Variants in PLEKHB1 observed in about 807,000 individuals in gnomAD.
PLEKHB1 encodes the protein pleckstrin homology domain-containing family B member 1.
In PLEKHB1, 29 loss-of-function variants were observed where a neutral mutation model predicts 36.2. The observed-to-expected ratio is 0.80, with a 90% CI of 0.60 to 1.09. The LOEUF is 1.09. Ranked by LOEUF, PLEKHB1 falls within the 50% of genes least tolerant of loss-of-function variation. PLEKHB1 has a pLI of 0.00. For missense variants in PLEKHB1, 330 were observed against 348.2 expected, an observed-to-expected ratio of 0.95 and a Z score of 0.42; for synonymous variants, 138 against 140.0, an observed-to-expected ratio of 0.99 and a Z score of 0.10.
chr11:73,659,589 G>C (rs1945062549), intron 6 of PLEKHB1, among the ~76,000 whole-genome samples: 1 of 152,132 alleles, frequency 6.6e-6, no homozygotes, highest in African/African-American at 2.4e-5. Flanking sequence ...TGCAAGAAAG[G>C]CCAGGAGAAA....
At chr11:73,651,014 T>C (rs61901456) in intron 3 of PLEKHB1, among the ~76,000 whole-genome samples, 2 of 148,918 alleles carry the variant, frequency 1.3e-5, no homozygotes, top group African/African-American at 2.5e-5. Context: ...AAAAAAAAAT[T>C]GGTGAGATGC....
chr11:73,653,158 T>C lies in PLEKHB1; in HGVS notation c.390+144T>C. On this transcript the variant is annotated intron_variant, in intron 5 of 7. Transcript: ENST00000354190. ...CAAACTCTGATGCCTGAGTCCCAAG[T>C]GTTCGGGGAAAGGATAAGGGAGAGC... is the stretch of plus-strand genomic sequence containing the variant. 3 of 864,522 alleles carry C rather than the reference T, an allele frequency of 3.5e-6. No homozygotes were observed. The South Asian group carries it at 5.1e-5, about 15-fold the overall frequency. The allele number at this position is 864,522 out of a possible 1,614,324, so 53.6% of individuals were successfully genotyped here.
At chr11:73,658,702 G>A (rs1188545602) in intron 6 of PLEKHB1, among the ~76,000 whole-genome samples, 8 of 152,026 alleles carry the variant, frequency 5.3e-5, no homozygotes, top group South Asian at 4.2e-4. Context: ...CTGCAGCCTC[G>A]ATCTCCTGGG....
chr11:73,648,445 C>G (rs755899308), intron 1 of PLEKHB1, among the ~76,000 whole-genome samples: 1 of 152,134 alleles, frequency 6.6e-6, no homozygotes, highest in Non-Finnish European at 1.5e-5. Flanking sequence ...ACAGAGTGCT[C>G]GGTCCATCAC....
chr11:73,651,837 C>A lies in PLEKHB1; in HGVS notation c.297C>A (p.Asn99Lys), dbSNP rs1301760755. Reference sequence around the variant, plus strand: ...GCCGAGATGGCCTGCTGACTGTGAACCTACGGGAAGGCGGCCGCCTGCACC... The same window carrying A: ...GCCGAGATGGCCTGCTGACTGTGAAACTACGGGAAGGCGGCCGCCTGCACC... ...GRSRDGLLTV[N>K]LREGGRLHLC... Residue 99 changes from asparagine (N) to lysine (K), a missense_variant, in exon 4 of 8, where the codon AAC becomes AAA. By Grantham distance (94) the Asn-to-Lys change is moderately conservative (BLOSUM62 0). Transcript: ENST00000354190. The A allele has an allele frequency of 6.2e-7, 1 of 1,613,572 alleles. No homozygotes were observed. The highest frequency in any genetic ancestry group is 8.5e-7 in the Non-Finnish European group (1 of 1,179,898).
intron 5 of PLEKHB1, among the ~76,000 whole-genome samples, chr11:73,655,160 A>G (rs1374538515): frequency 1.3e-5 from 2 of 152,034 alleles, no homozygotes; most frequent in Non-Finnish European, 2.9e-5. Context: ...CTGCCTGTCC[A>G]TCTCCTGTGG....
At chr11:73,657,039 C>T (rs969655344) in intron 6 of PLEKHB1, among the ~76,000 whole-genome samples, 2 of 152,102 alleles carry the variant, frequency 1.3e-5, no homozygotes, top group South Asian at 2.1e-4. Context: ...ACTCAGGAGG[C>T]TGAGGCAGGA....
In PLEKHB1 at chr11:73,661,406, A is replaced by AC; in HGVS notation, c.596-59dup. ...TGGGCTGGAGTGATGCAGGAAGGGT[A>AC]CGAAGATCACTCTACTCCCTCCTAA... On this transcript the variant is annotated intron_variant, in intron 7 of 7. Transcript: ENST00000354190. This position sits in a 1 kb window ranked among gnomAD's most constrained non-coding sequence, Gnocchi z 4.6. 3.8e-6 allele frequency: 6 copies of AC among 1,584,446 alleles called. No homozygotes were observed. In the South Asian group the frequency reaches 5.6e-5, roughly 15 times the overall value.
At chr11:73,647,558 C>G in intron 1 of PLEKHB1, 2 of 985,552 alleles carry the variant, frequency 2.0e-6, no homozygotes, top group Non-Finnish European at 2.4e-6. Flanking sequence ...CACTCCCCCT[C>G]CCTGGGGTGG....
At chr11:73,660,200 G>A (rs1028660650) in intron 6 of PLEKHB1, 1 of 155,636 alleles carries the variant, frequency 6.4e-6, no homozygotes, top group Non-Finnish European at 1.4e-5. Context: ...TGCCACCTAG[G>A]TTTGTTTGTA....
At chr11:73,653,370 A>G (rs1944936280) in intron 5 of PLEKHB1, 2 of 536,682 alleles carry the variant, frequency 3.7e-6, no homozygotes, top group South Asian at 3.1e-5. Flanking sequence ...CTCTCTGCAG[A>G]TGATAAGACT....
chr11:73,647,995 G>T, intron 1 of PLEKHB1: 1 of 985,218 alleles, frequency 1.0e-6, no homozygotes, highest in Non-Finnish European at 1.2e-6. Flanking sequence ...GCTACATCAT[G>T]TACATGGATG....
chr11:73,650,609 C>CA lies in PLEKHB1; in HGVS notation c.151_152insA (p.Leu51HisfsTer7). 6.2e-7 allele frequency: 1 copy of CA among 1,613,324 alleles called. No homozygotes were observed. The highest frequency in any genetic ancestry group is 8.5e-7 in the Non-Finnish European group (1 of 1,179,668). ...GTTTGCCCTGTGGCTGGACGGGACC[C>CA]TGGGATACTACCACGATGAGACAGC... On this transcript the variant is annotated frameshift_variant, in exon 3 of 8. Transcript: ENST00000354190. LOFTEE classifies it high-confidence loss of function.
At chr11:73,659,353 G>C in intron 6 of PLEKHB1, among the ~76,000 whole-genome samples, 1 of 152,284 alleles carries the variant, frequency 6.6e-6, no homozygotes, top group African/African-American at 2.4e-5. Flanking sequence ...GTTCAGGTGT[G>C]AATCCCAGTT....
At chr11:73,650,739 A>G in intron 3 of PLEKHB1, 34 bp downstream of exon 3, 1 of 1,562,728 alleles carries the variant, frequency 6.4e-7, no homozygotes, top group Non-Finnish European at 8.7e-7. Context: ...TGGCACCGTG[A>G]CTGTGGGCAG....
At chr11:73,649,536 C>T (rs9666549) in intron 2 of PLEKHB1, among the ~76,000 whole-genome samples, 19,203 of 152,262 alleles carry the variant, frequency 0.13, 1,442 homozygotes, top group South Asian at 0.31. Flanking sequence ...CCCCCAACCC[C>T]GGGCTGGACA....
Position 73,660,809 on chromosome 11 carries a change from C to T in PLEKHB1, c.552C>T (p.His184=), listed in dbSNP as rs750557521. 1 of 1,602,756 alleles carries T rather than the reference C, an allele frequency of 6.2e-7. No homozygotes were observed. Among genetic ancestry groups the T allele is most frequent in the East Asian group, 2.3e-5 (1 of 44,314 alleles). ...ACGAGGTGGTGCCCCCCAATGCACA[C>T]GAGGCCACGTATGTCCGCAGCTACT... is the stretch of plus-strand genomic sequence containing the variant. ...DYYEVVPPNA[H]EATYVRSYYG... Residue 184 remains histidine (H), a synonymous_variant, in exon 7 of 8, where the codon CAC becomes CAT. Coordinates refer to ENST00000354190, the MANE Select transcript of PLEKHB1 (RefSeq NM_021200.3).
rs765292483 is a variant in PLEKHB1 at position 73,661,362 on chromosome 11, TCGG to T, written c.596-101_596-99del. ...TTGACTGGGGAGCAGGAGAGTGGGT[TCGG>T]CGCCTTACACTGGGTTGGGCTGGAG... On this transcript the variant is annotated intron_variant, in intron 7 of 7. Coordinates refer to ENST00000354190, the MANE Select transcript of PLEKHB1 (RefSeq NM_021200.3). The surrounding 1 kb of genome is among the most constrained non-coding windows in gnomAD (Gnocchi z 4.6). 3.2e-5 allele frequency: 43 copies of T among 1,327,140 alleles called. No homozygotes were observed. Among genetic ancestry groups the T allele is most frequent in the Admixed American group, 4.1e-5 (2 of 49,192 alleles). 82.2% of individuals were successfully genotyped at this position (1,327,140 alleles called of 1,614,324 possible). A position where few individuals can be genotyped will look rare whatever the true frequency, so the allele number is the denominator to read the frequency against.
At chr11:73,656,097 G>A (rs1565332167) in intron 6 of PLEKHB1, among the ~76,000 whole-genome samples, 190 bp downstream of exon 6, 3 of 152,122 alleles carry the variant, frequency 2.0e-5, no homozygotes, top group African/African-American at 7.2e-5. Context: ...GCCAGCCTTC[G>A]CACATGCTGT....
Sources: gnomAD v4.1 joint callset for allele counts (sites outside exome capture counted in the v4.1 genomes callset) on GRCh38, gnomAD v4.1.1 for gene constraint, Gnocchi (gnomAD v3.1) non-coding constraint, MANE v1.5 for transcripts, NCBI Gene and HGNC (gene_info 2026-07-23, HGNC 2026-07-21) for gene names.